Variants in SYNGR1 observed in about 807,000 individuals in gnomAD.
SYNGR1 encodes synaptogyrin 1, also known as synaptogyrin-1.
A neutral mutation model predicts 26.1 loss-of-function variants in SYNGR1; 14 were observed. That is an observed-to-expected ratio of 0.54 (90% confidence interval 0.35 to 0.84). The LOEUF is 0.84. Ranked by LOEUF, SYNGR1 falls within the 40% of genes least tolerant of loss-of-function variation. The probability of loss-of-function intolerance (pLI) is 0.01; values close to 1 mark genes in which losing one functional copy is unlikely to be tolerated. For synonymous variants in SYNGR1, 141 were observed against 150.1 expected, an observed-to-expected ratio of 0.94 and a Z score of 0.44; for missense variants, 319 against 332.9, an observed-to-expected ratio of 0.96 and a Z score of 0.33.
chr22:39,365,639 C>T (rs553107450), intron 1 of SYNGR1, among the ~76,000 whole-genome samples: 2 of 149,390 alleles, frequency 1.3e-5, no homozygotes, highest in African/African-American at 5.2e-5. Context: ...AGCTGACAGC[C>T]CTGCAGGGGG....
At chr22:39,366,954 G>T (rs756855775) in intron 1 of SYNGR1, among the ~76,000 whole-genome samples, 1 of 152,064 alleles carries the variant, frequency 6.6e-6, no homozygotes, top group African/African-American at 2.4e-5. Flanking sequence ...GGCTCCTATC[G>T]TGCGGGCCTC....
At chr22:39,351,953 G>T (rs1328062787) in intron 1 of SYNGR1, among the ~76,000 whole-genome samples, 3 of 152,242 alleles carry the variant, frequency 2.0e-5, no homozygotes, top group African/African-American at 7.2e-5. Flanking sequence ...GTGGAAAGCA[G>T]GAGGAAGGAT....
Position 39,384,987 on chromosome 22 carries a change from G to C in SYNGR1, c.*3073G>C, listed in dbSNP as rs909963646. 17 of 398,744 alleles carry C rather than the reference G, an allele frequency of 4.3e-5. No homozygotes were observed. The highest frequency in any genetic ancestry group is 3.5e-4 in the African/African-American group (17 of 48,628). 24.7% of individuals were successfully genotyped at this position (398,744 alleles called of 1,614,324 possible). A position where few individuals can be genotyped will look rare whatever the true frequency, so the allele number is the denominator to read the frequency against. On this transcript the variant is annotated 3_prime_UTR_variant, in exon 4 of 4. Coordinates refer to ENST00000328933, the MANE Select transcript of SYNGR1 (RefSeq NM_004711.5). ...CACCTGGGGGTGTCGCAGTTGAGGG[G>C]CTAATTCCCAGGGGACTGACGTTAG...
At chr22:39,371,764 C>T (rs776922905) in intron 1 of SYNGR1, among the ~76,000 whole-genome samples, 5 of 152,122 alleles carry the variant, frequency 3.3e-5, no homozygotes, top group East Asian at 3.9e-4. Context: ...GGATTACACA[C>T]GTGAGACACC....
At position 39,376,204 on chromosome 22, in the gene SYNGR1, A is replaced by G; in HGVS notation, c.483+7A>G. 1.2e-6 allele frequency: 2 copies of G among 1,613,928 alleles called. No individual in the cohort carries two copies. Among genetic ancestry groups the G allele is most frequent in the South Asian group, 2.2e-5 (2 of 91,084 alleles). On this transcript the variant is annotated splice_region_variant and intron_variant, in intron 3 of 3. Transcript: ENST00000328933. ...TTTCTCCATCTTCACCTGGGTGAGTACAGCCACCGCGCACCAGCCCACACT... is the reference window on the plus strand; with the variant it reads ...TTTCTCCATCTTCACCTGGGTGAGTGCAGCCACCGCGCACCAGCCCACACT...
At chr22:39,375,734 T>G in intron 2 of SYNGR1, 1 of 595,842 alleles carries the variant, frequency 1.7e-6, no homozygotes, top group Middle Eastern at 4.2e-4. Context: ...GCGGCCTGAG[T>G]TGATTACCTT....
chr22:39,359,960 A>T (rs1252278138), intron 1 of SYNGR1, among the ~76,000 whole-genome samples: 2 of 151,328 alleles, frequency 1.3e-5, no homozygotes, highest in Non-Finnish European at 2.9e-5. Context: ...TGAACCACTG[A>T]TCTTCCCCTG....
At chr22:39,377,120 G>T in intron 3 of SYNGR1, 1 of 1,535,344 alleles carries the variant, frequency 6.5e-7, no homozygotes, top group Non-Finnish European at 8.8e-7. Flanking sequence ...CCAGCCTCCT[G>T]CAAGGAGACT....
Position 39,384,509 on chromosome 22 carries a change from G to A in SYNGR1, c.*2595G>A. The A allele has an allele frequency of 5.0e-6, 2 of 398,846 alleles. No homozygotes were observed. The highest frequency in any genetic ancestry group is 1.3e-4 in the South Asian group (1 of 7,848). The allele number at this position is 398,846 out of a possible 1,614,324, so 24.7% of individuals were successfully genotyped here. On this transcript the variant is annotated 3_prime_UTR_variant, in exon 4 of 4. Coordinates refer to ENST00000328933, the MANE Select transcript of SYNGR1 (RefSeq NM_004711.5). The stretch of plus-strand genomic sequence containing the variant: ...GGACCTGCCCAGGATGGAGATGAGA[G>A]AGGGTGAGAGATGGAGGGCGAGATT...
intron 1 of SYNGR1, among the ~76,000 whole-genome samples, chr22:39,370,163 T>G (rs1924954563): frequency 6.6e-6 from 1 of 151,874 alleles, no homozygotes; most frequent in African/African-American, 2.4e-5. Context: ...TTGAGACGGA[T>G]CTCTGTCGCC....
At chr22:39,363,868 T>C (rs1417741954) in intron 1 of SYNGR1, among the ~76,000 whole-genome samples, 6 of 152,100 alleles carry the variant, frequency 3.9e-5, no homozygotes, top group Non-Finnish European at 1.5e-5. Context: ...ACGGTTCCAT[T>C]TGGAGCTGGG....
At chr22:39,379,829 C>T (rs1323717010) in intron 3 of SYNGR1, 2 of 152,068 alleles carry the variant, frequency 1.3e-5, no homozygotes, top group African/African-American at 4.8e-5. Context: ...GGGGTAGGAC[C>T]CCATGTTTAG....
chr22:39,376,433 G>A (rs1428616802), intron 3 of SYNGR1, among the ~76,000 whole-genome samples: 2 of 150,722 alleles, frequency 1.3e-5, no homozygotes, highest in Non-Finnish European at 2.9e-5. Context: ...TCACTGTGGT[G>A]CAGAGCAGCC....
At chr22:39,364,196 T>C (rs1268248627) in intron 1 of SYNGR1, 14 of 1,613,216 alleles carry the variant, frequency 8.7e-6, no homozygotes, top group Admixed American at 1.7e-5. Flanking sequence ...CTTGGTCTCA[T>C]GTTGACCTTA....
intron 1 of SYNGR1, among the ~76,000 whole-genome samples, chr22:39,367,954 CT>C (rs1924843317): frequency 6.6e-6 from 1 of 152,162 alleles, no homozygotes; most frequent in Non-Finnish European, 1.5e-5. Context: ...CGTACAAAAC[CT>C]TTTCCTGCCT....
At chr22:39,352,657 G>C (rs766903097) in intron 1 of SYNGR1, among the ~76,000 whole-genome samples, 4 of 152,168 alleles carry the variant, frequency 2.6e-5, no homozygotes, top group Non-Finnish European at 5.9e-5. Flanking sequence ...TCACACCACA[G>C]GGCAGAGCAA....
Position 39,374,306 on chromosome 22 carries a change from C to A in SYNGR1, c.100-10C>A, listed in dbSNP as rs769676271. 1.2e-6 allele frequency: 2 copies of A among 1,613,450 alleles called. No individual in the cohort carries two copies. The highest frequency in any genetic ancestry group is 8.5e-7 in the Non-Finnish European group (1 of 1,179,786). On this transcript the variant is annotated splice_polypyrimidine_tract_variant and intron_variant, in intron 1 of 3. Coordinates refer to ENST00000328933, the MANE Select transcript of SYNGR1 (RefSeq NM_004711.5). ...TGCCCAGGTCTAAGGTGTGGCCCCA[C>A]CCCCGACAGCTGTTCTCCATAGTGG...
At chr22:39,351,664 G>A (rs1923914175) in intron 1 of SYNGR1, among the ~76,000 whole-genome samples, 1 of 152,248 alleles carries the variant, frequency 6.6e-6, no homozygotes, top group Admixed American at 6.5e-5. Context: ...TTGTGAGGGG[G>A]CTTGTCTGCT....
intron 1 of SYNGR1, among the ~76,000 whole-genome samples, chr22:39,355,171 G>A (rs1435082320): frequency 6.6e-6 from 1 of 152,216 alleles, no homozygotes; most frequent in Admixed American, 6.5e-5. Flanking sequence ...TTCCCAAGGG[G>A]TGGCCCAGGA....
Sources: allele counts gnomAD v4.1 joint callset (sites outside exome capture counted in the v4.1 genomes callset), GRCh38; gene constraint gnomAD v4.1.1; transcripts MANE v1.5; gene names NCBI Gene and HGNC (gene_info 2026-07-23, HGNC 2026-07-21).